Variants in TBL1XR1 observed in about 807,000 individuals in gnomAD.
The protein encoded by TBL1XR1 is F-box-like/WD repeat-containing protein TBL1XR1.
Under a neutral mutation model 66.9 loss-of-function variants are expected in TBL1XR1, and 5 were observed. That is an observed-to-expected ratio of 0.07 (90% CI 0.04 to 0.16). The LOEUF is 0.16. Among genes scored for constraint, TBL1XR1 ranks in the 10% least tolerant of loss-of-function variants. The pLI, the probability that TBL1XR1 is intolerant of heterozygous loss-of-function variation, is 1.00. For missense variants in TBL1XR1, 238 were observed against 623.2 expected (o/e 0.38, Z 6.58); for synonymous variants, 210 against 206.0 (o/e 1.02, Z -0.17).
chr3:177,137,268 G>C (rs544747828), intron 1 of TBL1XR1, among the ~76,000 whole-genome samples: 1 of 152,224 alleles, frequency 6.6e-6, no homozygotes, highest in African/African-American at 2.4e-5. Context: ...CAAGACGGGG[G>C]ATTGCTTGAG....
intron 1 of TBL1XR1, among the ~76,000 whole-genome samples, chr3:177,116,255 C>A (rs1345702590): frequency 6.6e-6 from 1 of 152,130 alleles, no homozygotes; most frequent in Non-Finnish European, 1.5e-5. Context: ...TTTAATTCAT[C>A]TCCCACCCCA....
At chr3:177,094,216 G>C (rs573073378) in intron 2 of TBL1XR1, among the ~76,000 whole-genome samples, 1 of 151,896 alleles carries the variant, frequency 6.6e-6, no homozygotes, top group East Asian at 1.9e-4. Flanking sequence ...CAACAAACAT[G>C]AAAAAAATAC....
chr3:177,112,091 ATATATATATATATATATTT>A (rs1174507341), intron 1 of TBL1XR1, among the ~76,000 whole-genome samples: 3 of 45,610 alleles, frequency 6.6e-5, no homozygotes, highest in African/African-American at 4.5e-4. Context: ...ATATATATAT[ATATATATATATATATATTT>A]TTTTTTTTTT....
intron 2 of TBL1XR1, among the ~76,000 whole-genome samples, chr3:177,075,498 T>C (rs1720590862): frequency 6.6e-6 from 1 of 152,244 alleles, no homozygotes; most frequent in African/African-American, 2.4e-5. Flanking sequence ...ATCTTCTAGC[T>C]TTCAAAACTT....
At chr3:177,058,630 G>T (rs1010851902) in intron 3 of TBL1XR1, among the ~76,000 whole-genome samples, 2 of 152,022 alleles carry the variant, frequency 1.3e-5, no homozygotes, top group Non-Finnish European at 2.9e-5. Context: ...TTTCTCCTTA[G>T]GATGGATTCC....
intron 2 of TBL1XR1, among the ~76,000 whole-genome samples, chr3:177,096,352 A>T (rs865862132): frequency 6.6e-6 from 1 of 151,894 alleles, no homozygotes; most frequent in African/African-American, 2.4e-5. Flanking sequence ...ACACACACAC[A>T]CTTAAATTTC....
At chr3:177,191,646 T>C (rs1736155207) in intron 1 of TBL1XR1, among the ~76,000 whole-genome samples, 1 of 152,154 alleles carries the variant, frequency 6.6e-6, no homozygotes, top group Non-Finnish European at 1.5e-5. Context: ...ACTGAACTTC[T>C]AAGGACAACT....
chr3:177,048,249 T>C (rs1716585750), intron 7 of TBL1XR1, among the ~76,000 whole-genome samples: 1 of 152,196 alleles, frequency 6.6e-6, no homozygotes, highest in African/African-American at 2.4e-5. Context: ...GCTGTGCACC[T>C]TGCCTCGATG....
chr3:177,043,627 T>C (rs1343833776), intron 10 of TBL1XR1, among the ~76,000 whole-genome samples: 1 of 152,178 alleles, frequency 6.6e-6, no homozygotes, highest in Non-Finnish European at 1.5e-5. Context: ...AGTATATAGT[T>C]GAGTCTTGCT....
intron 1 of TBL1XR1, among the ~76,000 whole-genome samples, chr3:177,193,263 C>T (rs565993383): frequency 1.3e-5 from 2 of 152,294 alleles, no homozygotes; most frequent in African/African-American, 4.8e-5. Context: ...CTCACTTTAA[C>T]CACTATGCTA....
chr3:177,183,355 T>A (rs1473272796), intron 1 of TBL1XR1, among the ~76,000 whole-genome samples: 1 of 152,208 alleles, frequency 6.6e-6, no homozygotes, highest in Non-Finnish European at 1.5e-5. Flanking sequence ...TTTCTGCATG[T>A]ATACATACCC....
At chr3:177,090,385 C>T (rs1472268055) in intron 2 of TBL1XR1, among the ~76,000 whole-genome samples, 2 of 150,218 alleles carry the variant, frequency 1.3e-5, no homozygotes, top group African/African-American at 2.4e-5. Flanking sequence ...TAAAATGAAA[C>T]AAATTGGCCT....
chr3:177,113,106 GT>G (rs1725857838), intron 1 of TBL1XR1, among the ~76,000 whole-genome samples: 1 of 152,122 alleles, frequency 6.6e-6, no homozygotes, highest in Non-Finnish European at 1.5e-5. Flanking sequence ...AGAACACACA[GT>G]GGGGAGAGAA....
At chr3:177,112,107 A>ATATATATATATATATTTTTTTTT in intron 1 of TBL1XR1, among the ~76,000 whole-genome samples, 2 of 37,644 alleles carry the variant, frequency 5.3e-5, no homozygotes, top group Non-Finnish European at 8.9e-5. Context: ...ATATATATAT[A>ATATATATATATATATTTTTTTTT]TTTTTTTTTT....
upstream of TBL1XR1, among the ~76,000 whole-genome samples, chr3:177,199,371 G>A (rs1737293782): frequency 8.1e-6 from 1 of 122,910 alleles, no homozygotes; most frequent in African/African-American, 3.0e-5. Context: ...AGAGTATATA[G>A]TATCTTCCTT....
intron 1 of TBL1XR1, among the ~76,000 whole-genome samples, chr3:177,124,135 T>C (rs1727324984): frequency 6.6e-6 from 1 of 152,000 alleles, no homozygotes. Context: ...TAAGGCATAA[T>C]AACATTAGCT....
intron 1 of TBL1XR1, among the ~76,000 whole-genome samples, chr3:177,173,460 G>A (rs948632999): frequency 1.6e-4 from 25 of 151,856 alleles, no homozygotes; most frequent in Non-Finnish European, 3.4e-4. Flanking sequence ...AGTGTCCCCT[G>A]TTTGATATGA....
intron 1 of TBL1XR1, among the ~76,000 whole-genome samples, chr3:177,115,606 G>A (rs944062615): frequency 8.6e-5 from 13 of 151,272 alleles, no homozygotes; most frequent in Non-Finnish European, 1.3e-4. Context: ...CACACTATCC[G>A]TACGCCTCAT....
At chr3:177,164,350 ATTT>A (rs34088456) in intron 1 of TBL1XR1, among the ~76,000 whole-genome samples, 1 of 142,802 alleles carries the variant, frequency 7.0e-6, no homozygotes, top group Non-Finnish European at 1.5e-5. Context: ...CCTATTTTCA[ATTT>A]TTTTTTTTTT....
Sources: allele counts gnomAD v4.1 joint callset (sites outside exome capture counted in the v4.1 genomes callset), GRCh38; gene constraint gnomAD v4.1.1; transcripts MANE v1.5; gene names NCBI Gene and HGNC (gene_info 2026-07-23, HGNC 2026-07-21).